TENM2: variants seen among roughly 807,000 people sequenced by gnomAD.
TENM2 encodes the protein teneurin transmembrane protein 2.
A neutral mutation model predicts 245.2 loss-of-function variants in TENM2; 52 were observed. That is an observed-to-expected ratio of 0.21 (90% CI 0.17 to 0.27). The LOEUF is 0.27. Ranked by LOEUF, TENM2 falls within the 10% of genes least tolerant of loss-of-function variation. The pLI is 1.00. For missense variants in TENM2, 3,046 were observed against 3,666.8 expected, an observed-to-expected ratio of 0.83 and a Z score of 4.37; for synonymous variants, 1,363 against 1,438.9, an observed-to-expected ratio of 0.95 and a Z score of 1.19.
the TENM2 span, among the ~76,000 whole-genome samples, chr5:167,234,371 T>C: frequency 6.6e-6 from 1 of 152,218 alleles, no homozygotes; most frequent in Non-Finnish European, 1.5e-5. Context: ...GTGAAGAATG[T>C]GTCCTTGAGG....
Position 168,062,057 on chromosome 5 carries a change from C to A in TENM2, c.1310-3C>A. 1 of 1,473,596 alleles carries A rather than the reference C, an allele frequency of 6.8e-7. No individual in the cohort carries two copies. The highest frequency in any genetic ancestry group is 9.1e-7 in the Non-Finnish European group (1 of 1,102,116). 91.3% of individuals were successfully genotyped at this position (1,473,596 alleles called of 1,614,324 possible). A position where few individuals can be genotyped will look rare whatever the true frequency, so the allele number is the denominator to read the frequency against. Reference sequence around the variant, plus strand: ...TGCTGTTTATTCCTTTTTTTTTTTTCAGTGCCCTGGTCGTTGAAAAACAGC... The same window carrying A: ...TGCTGTTTATTCCTTTTTTTTTTTTAAGTGCCCTGGTCGTTGAAAAACAGC... On this transcript the variant is annotated splice_polypyrimidine_tract_variant and splice_region_variant and intron_variant, in intron 6 of 28. Transcript: ENST00000518659.
the TENM2 span, among the ~76,000 whole-genome samples, chr5:167,081,448 T>G: frequency 6.6e-6 from 1 of 152,184 alleles, no homozygotes; most frequent in Non-Finnish European, 1.5e-5. Flanking sequence ...TCTAAGCCTT[T>G]TTTTTGCTTT....
At chr5:168,007,502 A>G (rs887789403) in intron 5 of TENM2, among the ~76,000 whole-genome samples, 1 of 152,056 alleles carries the variant, frequency 6.6e-6, no homozygotes, top group Non-Finnish European at 1.5e-5. Context: ...GCCACCCTGC[A>G]CCTTGGCGAC....
intron 2 of TENM2, among the ~76,000 whole-genome samples, chr5:167,657,676 A>T (rs1224572026): frequency 2.0e-5 from 3 of 152,046 alleles, no homozygotes; most frequent in Non-Finnish European, 2.9e-5. Context: ...CTAACTGTAT[A>T]GTCTCTCTTA....
At chr5:167,282,824 G>A (rs762259694), upstream of TENM2, among the ~76,000 whole-genome samples, 11 of 152,054 alleles carry the variant, frequency 7.2e-5, no homozygotes, top group Admixed American at 5.2e-4. Context: ...TTGCCTTAAT[G>A]TGGAGACACT....
At chr5:167,669,624 G>A (rs571256902) in intron 2 of TENM2, among the ~76,000 whole-genome samples, 1 of 151,736 alleles carries the variant, frequency 6.6e-6, no homozygotes, top group African/African-American at 2.4e-5. Context: ...CCTGTAAACA[G>A]CAGTGACACA....
chr5:167,052,744 C>T, the TENM2 span, among the ~76,000 whole-genome samples: 1 of 150,906 alleles, frequency 6.6e-6, no homozygotes, highest in Non-Finnish European at 1.5e-5. Flanking sequence ...AAGTTTACAT[C>T]GTAAGCTAAG....
At chr5:167,727,161 G>A (rs932157811) in intron 2 of TENM2, among the ~76,000 whole-genome samples, 12 of 141,792 alleles carry the variant, frequency 8.5e-5, no homozygotes, top group Non-Finnish European at 1.2e-4. Flanking sequence ...CCAGGCTGGA[G>A]TGCAGTGGCG....
chr5:167,285,732 T>C (rs1771305932), intron 1 of TENM2, among the ~76,000 whole-genome samples: 1 of 152,222 alleles, frequency 6.6e-6, no homozygotes, highest in South Asian at 2.1e-4. Flanking sequence ...CAAAGCTCAC[T>C]CTCTAGCTCC....
At chr5:167,548,062 T>C (rs1772681507) in intron 2 of TENM2, among the ~76,000 whole-genome samples, 1 of 152,224 alleles carries the variant, frequency 6.6e-6, no homozygotes, top group Non-Finnish European at 1.5e-5. Context: ...CCCAGACTTA[T>C]CATTCCCCAG....
the TENM2 span, among the ~76,000 whole-genome samples, chr5:167,043,043 T>C: frequency 2.0e-5 from 3 of 152,346 alleles, no homozygotes; most frequent in East Asian, 5.8e-4. Flanking sequence ...TCTAATTTAT[T>C]GATCTCCAAA....
At position 167,569,078 on chromosome 5, in the gene TENM2, C is replaced by CTTTTT. The variant is rs34311803; in HGVS notation, c.502+193631_502+193635dup. Among the ~76,000 whole-genome samples the CTTTTT allele has an allele frequency of 2.7e-3, 131 of 48,976 alleles. 11 individuals carry two copies. Among genetic ancestry groups the CTTTTT allele is most frequent in the African/African-American group, 6.0e-3 (65 of 10,798 alleles). The allele number at this position is 48,976 out of a possible 152,430, so 32.1% of individuals were successfully genotyped here. A position where few individuals can be genotyped will look rare whatever the true frequency, so the allele number is the denominator to read the frequency against. On this transcript the variant is annotated intron_variant, in intron 2 of 28. Coordinates refer to ENST00000518659, the Ensembl canonical transcript of TENM2. ...ATCAATGAGTATCACCTTCCTACAG[C>CTTTTT]TTTTTTTTTTTTTTTTTTTTTTTTT...
chr5:167,105,882 C>T, the TENM2 span, among the ~76,000 whole-genome samples: 1,823 of 68,496 alleles, frequency 0.027, 59 homozygotes, highest in African/African-American at 0.1. Context: ...AGCGAGACTC[C>T]GTCTCAAAAA....
chr5:167,954,532 AG>A (rs1421630040), intron 4 of TENM2, among the ~76,000 whole-genome samples: 4 of 152,184 alleles, frequency 2.6e-5, no homozygotes, highest in Non-Finnish European at 5.9e-5. Context: ...TTCGTTACAT[AG>A]GTATAAACAT....
At chr5:167,181,393 A>G in the TENM2 span, among the ~76,000 whole-genome samples, 1 of 148,974 alleles carries the variant, frequency 6.7e-6, no homozygotes, top group African/African-American at 2.5e-5. Context: ...TTTTGAATCA[A>G]CACAAGTGTT....
chr5:167,973,876 T>C (rs952775696), intron 4 of TENM2, among the ~76,000 whole-genome samples: 3 of 151,402 alleles, frequency 2.0e-5, no homozygotes, highest in Non-Finnish European at 4.4e-5. Flanking sequence ...AAAAGGGATG[T>C]ACACAAAGGC....
intron 2 of TENM2, among the ~76,000 whole-genome samples, chr5:167,593,243 A>C (rs989880107): frequency 1.3e-5 from 2 of 152,244 alleles, no homozygotes; most frequent in Non-Finnish European, 2.9e-5. Context: ...ATTACAAAAA[A>C]GATGACTTTG....
At chr5:167,148,166 T>C in the TENM2 span, among the ~76,000 whole-genome samples, 1 of 152,156 alleles carries the variant, frequency 6.6e-6, no homozygotes, top group Admixed American at 6.5e-5. Flanking sequence ...AGAAAGAATG[T>C]TCCACAACCC....
At chr5:167,353,222 G>A (rs969791739) in intron 1 of TENM2, among the ~76,000 whole-genome samples, 4 of 151,398 alleles carry the variant, frequency 2.6e-5, no homozygotes, top group Non-Finnish European at 5.9e-5. Flanking sequence ...TGTTATTTGA[G>A]GTCTTGGAGC....
Sources: allele counts gnomAD v4.1 joint callset (sites outside exome capture counted in the v4.1 genomes callset), GRCh38; gene constraint gnomAD v4.1.1; transcripts MANE v1.5; gene names NCBI Gene and HGNC (gene_info 2026-07-23, HGNC 2026-07-21).